Variants in DPF3 observed in about 807,000 individuals in gnomAD.
DPF3 encodes the protein double PHD fingers 3, also known as zinc finger protein DPF3.
A neutral mutation model predicts 56.8 loss-of-function variants in DPF3; 18 were observed. That is an observed-to-expected ratio of 0.32 (90% CI 0.22 to 0.47). The LOEUF (loss-of-function observed/expected upper bound fraction) is 0.47. DPF3 is among the 20% of genes least tolerant of loss of function. The pLI, the probability that DPF3 is intolerant of heterozygous loss-of-function variation, is 1.00. For synonymous variants in DPF3, 188 were observed against 180.2 expected, an observed-to-expected ratio of 1.04 and a Z score of -0.35; for missense variants, 403 against 488.8, an observed-to-expected ratio of 0.82 and a Z score of 1.65.
intron 5 of DPF3, among the ~76,000 whole-genome samples, chr14:72,715,337 C>T (rs1420494921): frequency 6.6e-6 from 1 of 152,160 alleles, no homozygotes; most frequent in Non-Finnish European, 1.5e-5. Flanking sequence ...GCGGTGGTGA[C>T]AAGAACACAG....
rs964455831 is a variant in DPF3, at chr14:72,822,648, T to C, written c.33-50755A>G. ...TTTTGCTCTCAATTACTTTCTGTAG[T>C]GTTTAAATTTTTTACCATATACAGG... On this transcript the variant is annotated intron_variant, in intron 1 of 10. Coordinates refer to ENST00000556509, the MANE Select transcript of DPF3 (RefSeq NM_001280542.3). Among the ~76,000 whole-genome samples the C allele has an allele frequency of 7.9e-5, 12 of 152,108 alleles. No homozygotes were observed. The East Asian group carries it at 2.1e-3, about 27-fold the overall frequency.
intron 2 of DPF3, among the ~76,000 whole-genome samples, chr14:72,755,616 T>A (rs1330856019): frequency 1.3e-5 from 2 of 152,190 alleles, no homozygotes; most frequent in East Asian, 3.9e-4. Context: ...TCCACAAAGA[T>A]GACAAATGTC....
rs754594525 is a variant in DPF3, at chr14:72,619,276, C to T, written c.*21G>A. On this transcript the variant is annotated 3_prime_UTR_variant, in exon 11 of 11. Coordinates refer to ENST00000556509, the MANE Select transcript of DPF3 (RefSeq NM_001280542.3). ...TGCTTTAGGATCTCCAGCAGCGAGTCACATTCTGTGACCTGGGGCCCTAGG... is the reference window on the plus strand; with the variant it reads ...TGCTTTAGGATCTCCAGCAGCGAGTTACATTCTGTGACCTGGGGCCCTAGG... 14 of 1,535,604 alleles carry T rather than the reference C, an allele frequency of 9.1e-6. No homozygotes were observed. The East Asian group carries it at 9.8e-5, about 11-fold the overall frequency.
chr14:72,695,526 G>A (rs966281608), intron 6 of DPF3, among the ~76,000 whole-genome samples: 2 of 152,178 alleles, frequency 1.3e-5, no homozygotes, highest in Admixed American at 6.5e-5. Flanking sequence ...TATGGTATTT[G>A]ATTTTCTGTT....
chr14:72,747,625 C>CAAA (rs1030427221), intron 3 of DPF3, among the ~76,000 whole-genome samples: 1 of 77,594 alleles, frequency 1.3e-5, no homozygotes, highest in Admixed American at 1.2e-4. Context: ...CCCGTCTCTA[C>CAAA]AAAAAAAAAA....
At chr14:72,644,485 T>C (rs1238824430) in intron 8 of DPF3, among the ~76,000 whole-genome samples, 1 of 152,246 alleles carries the variant, frequency 6.6e-6, no homozygotes, top group Non-Finnish European at 1.5e-5. Context: ...TACATGGGCT[T>C]TCTTTTTTTC....
At position 72,617,017 on chromosome 14, in the gene DPF3, G is replaced by A. The variant is rs532458903; in HGVS notation, c.*2280C>T. 3.3e-5 allele frequency among the ~76,000 whole-genome samples: 5 copies of A among 152,240 alleles called. No homozygotes were observed. The South Asian group carries it at 6.2e-4, about 19-fold the overall frequency. The stretch of plus-strand genomic sequence containing the variant: ...AGGGGAACTCCGGGGCCATCCTAAC[G>A]TCACTCCAGAGCCCTGACCCTCACC... On this transcript the variant is annotated 3_prime_UTR_variant, in exon 11 of 11. Coordinates refer to ENST00000556509, the MANE Select transcript of DPF3 (RefSeq NM_001280542.3).
In DPF3 at chr14:72,731,886, G is replaced by A. The variant is rs760532199; in HGVS notation, c.350C>T (p.Thr117Met). Reference sequence around the variant, plus strand: ...CTCGCCACGGAGCAAGGCTTCCAGCGTGGTGCTCTCTGAGGTGAACCCATC... The same window carrying A: ...CTCGCCACGGAGCAAGGCTTCCAGCATGGTGCTCTCTGAGGTGAACCCATC... ...KKDGFTSEST[T>M]LEALLRGEGV... Residue 117 changes from threonine (T) to methionine (M), a missense_variant, in exon 4 of 11, where the codon ACG (threonine) becomes ATG (methionine). Around this residue, in one of 2 missense-constraint regions of DPF3, gnomAD observed 340 missense variants for 374.3 expected, o/e 0.91. Coordinates refer to ENST00000556509, the MANE Select transcript of DPF3 (RefSeq NM_001280542.3). The A allele has an allele frequency of 8.1e-6, 13 of 1,607,600 alleles. No individual in the cohort carries two copies. The highest frequency in any genetic ancestry group is 6.7e-5 in the East Asian group (3 of 44,746).
At chr14:72,648,300 G>A (rs556326037) in intron 8 of DPF3, among the ~76,000 whole-genome samples, 10 of 152,274 alleles carry the variant, frequency 6.6e-5, no homozygotes, top group East Asian at 1.9e-4. Context: ...GGAGGCTCAC[G>A]CCTCTAATCC....
chr14:72,788,284 G>A (rs911490762), intron 1 of DPF3, among the ~76,000 whole-genome samples: 27 of 152,036 alleles, frequency 1.8e-4, no homozygotes, highest in East Asian at 3.9e-4. Flanking sequence ...CCTGGATCTC[G>A]TCATTACAAG....
At position 72,613,215 on chromosome 14, in the gene DPF3, A is replaced by AG. The variant is rs35221503; in HGVS notation, c.*6081dup. ...GTTGCTGAGGGAATATATAGGCCCC[A>AG]GGGGCTCACAGGCCTCTGCCATTTC... On this transcript the variant is annotated 3_prime_UTR_variant, in exon 11 of 11. Transcript: ENST00000556509. Among the ~76,000 whole-genome samples, 1 of 152,182 alleles carries AG rather than the reference A, an allele frequency of 6.6e-6. No individual in the cohort carries two copies. The highest frequency in any genetic ancestry group is 2.1e-4 in the South Asian group (1 of 4,826).
chr14:72,638,599 A>G (rs1464334251), intron 8 of DPF3, among the ~76,000 whole-genome samples: 1 of 152,198 alleles, frequency 6.6e-6, no homozygotes, highest in Non-Finnish European at 1.5e-5. Context: ...CATGAATTAG[A>G]AGATGAATTC....
chr14:72,739,515 A>C (rs991971413), intron 3 of DPF3, among the ~76,000 whole-genome samples: 1 of 152,156 alleles, frequency 6.6e-6, no homozygotes, highest in South Asian at 2.1e-4. Flanking sequence ...TGTGCTTTTC[A>C]GCAAAAAAAC....
intron 1 of DPF3, among the ~76,000 whole-genome samples, chr14:72,786,910 T>C (rs1367110590): frequency 4.6e-5 from 7 of 152,250 alleles, no homozygotes; most frequent in Non-Finnish European, 1.0e-4. Flanking sequence ...GGAAATGCTG[T>C]TGGCCAATGG....
intron 1 of DPF3, among the ~76,000 whole-genome samples, chr14:72,810,026 A>G (rs1882968615): frequency 6.6e-6 from 1 of 152,198 alleles, no homozygotes; most frequent in East Asian, 1.9e-4. Flanking sequence ...GTGCCTGTAC[A>G]TGTTGAGAAT....
chr14:72,790,554 A>G (rs1892387784), intron 1 of DPF3, among the ~76,000 whole-genome samples: 1 of 152,144 alleles, frequency 6.6e-6, no homozygotes, highest in East Asian at 1.9e-4. Flanking sequence ...TTAGGATTTC[A>G]CTGTACCCTG....
chr14:72,872,681 G>T (rs528544625), intron 1 of DPF3, among the ~76,000 whole-genome samples: 7 of 152,268 alleles, frequency 4.6e-5, no homozygotes, highest in Admixed American at 3.3e-4. Context: ...ATACTACAAG[G>T]CTACAGTAAC....
chr14:72,851,455 T>C (rs900774480), intron 1 of DPF3, among the ~76,000 whole-genome samples: 13 of 152,178 alleles, frequency 8.5e-5, no homozygotes, highest in African/African-American at 3.1e-4. Context: ...ATTTCTTTGA[T>C]TAAACAACTC....
intron 1 of DPF3, among the ~76,000 whole-genome samples, chr14:72,795,435 C>T (rs1213108659): frequency 6.6e-6 from 1 of 151,876 alleles, no homozygotes; most frequent in Non-Finnish European, 1.5e-5. Context: ...TCTGTGTGAA[C>T]TTCCATTTTC....
Sources: allele counts gnomAD v4.1 joint callset (sites outside exome capture counted in the v4.1 genomes callset), GRCh38; gene constraint gnomAD v4.1.1; regional missense constraint gnomAD v4.1.1; transcripts MANE v1.5; gene names NCBI Gene and HGNC (gene_info 2026-07-23, HGNC 2026-07-21).